EIF4G3: variants seen among roughly 807,000 people sequenced by gnomAD.
The protein encoded by EIF4G3 is eIF-4-gamma 3.
A neutral mutation model predicts 186.4 loss-of-function variants in EIF4G3; 34 were observed. That is an observed-to-expected ratio of 0.18 (90% CI 0.14 to 0.24). The LOEUF (loss-of-function observed/expected upper bound fraction) is 0.24. Among genes scored for constraint, EIF4G3 ranks in the 10% least tolerant of loss-of-function variants. The probability of loss-of-function intolerance (pLI) is 1.00; values close to 1 mark genes in which losing one functional copy is unlikely to be tolerated. For missense variants in EIF4G3, 1,536 were observed against 1,948.5 expected (o/e 0.79, Z 3.99); for synonymous variants, 673 against 679.5 (o/e 0.99, Z 0.15).
At chr1:20,904,006 T>A (rs767291716) in intron 15 of EIF4G3, among the ~76,000 whole-genome samples, 10 of 152,236 alleles carry the variant, frequency 6.6e-5, no homozygotes, top group Non-Finnish European at 1.2e-4. Flanking sequence ...GATGTTGAGA[T>A]TACAGACAAG....
intron 4 of EIF4G3, among the ~76,000 whole-genome samples, chr1:21,039,679 A>G (rs535597572): frequency 1.3e-5 from 2 of 152,308 alleles, no homozygotes; most frequent in South Asian, 4.1e-4. Flanking sequence ...TCCAAAAATT[A>G]AAAACTTTCT....
intron 19 of EIF4G3, 134 bp downstream of exon 19, chr1:20,886,066 GA>G: frequency 8.7e-7 from 1 of 1,148,534 alleles, no homozygotes; most frequent in Non-Finnish European, 1.2e-6. Flanking sequence ...ATGGCTTTTA[GA>G]ATAATTCTTT....
chr1:20,931,143 GGAAAT>G (rs1423213912), intron 14 of EIF4G3, among the ~76,000 whole-genome samples: 1 of 152,052 alleles, frequency 6.6e-6, no homozygotes, highest in African/African-American at 2.4e-5. Flanking sequence ...GGCAGAAGAA[GGAAAT>G]GAAGAGGAAG....
intron 7 of EIF4G3, among the ~76,000 whole-genome samples, chr1:20,996,823 T>C (rs2082393450): frequency 1.3e-5 from 2 of 152,144 alleles, no homozygotes; most frequent in South Asian, 2.1e-4. Context: ...GCTTGTAATA[T>C]GAACAGACTA....
At chr1:21,108,012 G>A (rs757298016) in intron 2 of EIF4G3, among the ~76,000 whole-genome samples, 16 of 152,216 alleles carry the variant, frequency 1.1e-4, no homozygotes, top group Non-Finnish European at 2.1e-4. Flanking sequence ...GCCAGGCGCA[G>A]TGGCGCACAC....
In EIF4G3 at chr1:21,134,664, A is replaced by C. The variant is rs529959267; in HGVS notation, c.-272+41511T>G. Reference sequence around the variant, plus strand: ...AGCCTGGACGACCGAGTGAGACTCCATCTCAAAAAAAACAAAAATAAAAAT... The same window carrying C: ...AGCCTGGACGACCGAGTGAGACTCCCTCTCAAAAAAAACAAAAATAAAAAT... On this transcript the variant is annotated intron_variant, in intron 2 of 36. Coordinates refer to ENST00000602326, the MANE Select transcript of EIF4G3 (RefSeq NM_001391906.1). Among the ~76,000 whole-genome samples, 12 of 152,152 alleles carry C rather than the reference A, an allele frequency of 7.9e-5. No homozygotes were observed. In the South Asian group the frequency reaches 2.5e-3, roughly 32 times the overall value.
At chr1:20,981,530 T>C (rs1050791427) in intron 8 of EIF4G3, among the ~76,000 whole-genome samples, 1 of 67,652 alleles carries the variant, frequency 1.5e-5, no homozygotes, top group Non-Finnish European at 3.7e-5. Context: ...CATACATACA[T>C]GTATACGCAC....
At chr1:21,074,371 G>A (rs1444264081) in intron 3 of EIF4G3, among the ~76,000 whole-genome samples, 1 of 151,974 alleles carries the variant, frequency 6.6e-6, no homozygotes, top group African/African-American at 2.4e-5. Context: ...ACTGACTTAG[G>A]TATTTCCAAA....
At chr1:20,808,537 C>T (rs977265024) in intron 36 of EIF4G3, among the ~76,000 whole-genome samples, 9 of 151,908 alleles carry the variant, frequency 5.9e-5, no homozygotes, top group Non-Finnish European at 1.3e-4. Flanking sequence ...AAAAATTAGC[C>T]GGGCATGGTG....
chr1:21,150,425 A>G (rs1053347078), intron 2 of EIF4G3, among the ~76,000 whole-genome samples: 6 of 152,214 alleles, frequency 3.9e-5, no homozygotes, highest in African/African-American at 1.4e-4. Context: ...ATTTGAGGGA[A>G]CCTAATTCAT....
chr1:20,918,988 T>G (rs764367725), intron 14 of EIF4G3, among the ~76,000 whole-genome samples: 3 of 152,242 alleles, frequency 2.0e-5, no homozygotes, highest in African/African-American at 4.8e-5. Context: ...ATAGCTTAAA[T>G]GGGCTATTTC....
At chr1:20,894,547 T>C (rs530992624) in intron 17 of EIF4G3, among the ~76,000 whole-genome samples, 9 of 152,336 alleles carry the variant, frequency 5.9e-5, no homozygotes, top group African/African-American at 2.2e-4. Flanking sequence ...GCTGCAAATT[T>C]TTTTGCGTGA....
chr1:21,126,079 T>C (rs2097036339), intron 2 of EIF4G3, among the ~76,000 whole-genome samples: 1 of 151,530 alleles, frequency 6.6e-6, no homozygotes, highest in Non-Finnish European at 1.5e-5. Flanking sequence ...TGGTGGCACA[T>C]ACCTGTAGTC....
At chr1:20,957,602 A>G (rs2096465310) in intron 12 of EIF4G3, among the ~76,000 whole-genome samples, 1 of 152,088 alleles carries the variant, frequency 6.6e-6, no homozygotes, top group East Asian at 1.9e-4. Context: ...AAGCATTACA[A>G]AAGATCAATG....
At chr1:20,927,525 T>C (rs893949949) in intron 14 of EIF4G3, among the ~76,000 whole-genome samples, 2 of 152,076 alleles carry the variant, frequency 1.3e-5, no homozygotes, top group Non-Finnish European at 2.9e-5. Flanking sequence ...TTGTAATAGC[T>C]GAGGTGTAAG....
At chr1:20,911,129 G>T (rs2093125039) in intron 14 of EIF4G3, among the ~76,000 whole-genome samples, 1 of 152,166 alleles carries the variant, frequency 6.6e-6, no homozygotes, top group Non-Finnish European at 1.5e-5. Flanking sequence ...TCTTAAAACA[G>T]TTAATTTTAC....
chr1:20,851,156 A>G lies in EIF4G3; in HGVS notation c.3772+102T>C. 10 of 1,018,196 alleles carry G rather than the reference A, an allele frequency of 9.8e-6. No homozygotes were observed. In the South Asian group the frequency reaches 1.5e-4, roughly 16 times the overall value. 63.1% of individuals were successfully genotyped at this position (1,018,196 alleles called of 1,614,324 possible). A position where few individuals can be genotyped will look rare whatever the true frequency, so the allele number is the denominator to read the frequency against. ...TCTTCAGATGCTGGTATGTGTTGCT[A>G]TTATGTGTTAATTCTAAAATCTACT... On this transcript the variant is annotated intron_variant, in intron 28 of 36. Transcript: ENST00000602326.
intron 12 of EIF4G3, among the ~76,000 whole-genome samples, chr1:20,955,168 T>C (rs2096373859): frequency 6.6e-6 from 1 of 151,994 alleles, no homozygotes. Context: ...TTTATCCCCA[T>C]AGCAATGGCA....
At chr1:20,975,457 A>C (rs557842503) in intron 10 of EIF4G3, among the ~76,000 whole-genome samples, 5 of 151,734 alleles carry the variant, frequency 3.3e-5, no homozygotes. Context: ...AGAGCCTGGT[A>C]TATCACATTA....
Sources: allele counts gnomAD v4.1 joint callset (sites outside exome capture counted in the v4.1 genomes callset), GRCh38; gene constraint gnomAD v4.1.1; transcripts MANE v1.5; gene names NCBI Gene and HGNC (gene_info 2026-07-23, HGNC 2026-07-21).